PITPNC1: variants seen among roughly 807,000 people sequenced by gnomAD.
PITPNC1 encodes the protein cytoplasmic phosphatidylinositol transfer protein 1.
PITPNC1 carries 18 observed loss-of-function variants against 44.7 expected under a neutral mutation model. The ratio of observed to expected loss-of-function variants is 0.40; its 90% CI spans 0.28 to 0.60. The LOEUF (loss-of-function observed/expected upper bound fraction) is 0.60, where lower values mean the gene tolerates loss of function less well. Among genes scored for constraint, PITPNC1 ranks in the 20% least tolerant of loss-of-function variants. The pLI, the probability that PITPNC1 is intolerant of heterozygous loss-of-function variation, is 0.39. For missense variants in PITPNC1, 290 were observed against 418.4 expected (o/e 0.69, Z 2.68); for synonymous variants, 141 against 149.6 (o/e 0.94, Z 0.42).
At chr17:67,549,011 A>C (rs1394340131) in intron 2 of PITPNC1, among the ~76,000 whole-genome samples, 1 of 152,230 alleles carries the variant, frequency 6.6e-6, no homozygotes, top group African/African-American at 2.4e-5. Flanking sequence ...AATGATTGGA[A>C]TAATGATGTG....
At position 67,635,459 on chromosome 17, in the gene PITPNC1, G is replaced by A. The variant is rs1249236270; in HGVS notation, c.462+3221G>A. ...GGTGAGAAGAGAGGTATACGTTGGA[G>A]AAAGATGAGTGGATTTTGTGATGTC... On this transcript the variant is annotated intron_variant, in intron 6 of 8. Transcript: ENST00000581322. Among the ~76,000 whole-genome samples the A allele has an allele frequency of 5.3e-5, 8 of 152,274 alleles. 1 individual carries two copies. The highest frequency in any genetic ancestry group is 1.5e-5 in the Non-Finnish European group (1 of 68,038).
chr17:67,675,246 T>A (rs1167863755), intron 7 of PITPNC1, among the ~76,000 whole-genome samples: 3 of 139,612 alleles, frequency 2.1e-5, no homozygotes, highest in Non-Finnish European at 3.3e-5. Context: ...CCAGCCCTAC[T>A]CTCAAATAAG....
At chr17:67,434,571 G>A (rs2038904515) in intron 1 of PITPNC1, among the ~76,000 whole-genome samples, 1 of 152,166 alleles carries the variant, frequency 6.6e-6, no homozygotes, top group African/African-American at 2.4e-5. Context: ...AGCACTTTGG[G>A]AGGCCGAGGC....
intron 1 of PITPNC1, among the ~76,000 whole-genome samples, chr17:67,438,827 G>C (rs1388267177): frequency 6.6e-6 from 1 of 152,192 alleles, no homozygotes; most frequent in Non-Finnish European, 1.5e-5. Context: ...ACTATTCTGA[G>C]TTGAAAGTGC....
rs116561982 is a variant in PITPNC1 at position 67,562,009 on chromosome 17, C to T, written c.294+8392C>T. ...TATCAGTATTCATGAGCATCCTCTGCTTATTTCTGCCTTGACAAGTCCAGC... is the reference window on the plus strand; with the variant it reads ...TATCAGTATTCATGAGCATCCTCTGTTTATTTCTGCCTTGACAAGTCCAGC... On this transcript the variant is annotated intron_variant, in intron 4 of 8. Transcript: ENST00000581322. Among the ~76,000 whole-genome samples, 267 of 152,322 alleles carry T rather than the reference C, an allele frequency of 1.8e-3. 2 individuals carry two copies. The highest frequency in any genetic ancestry group is 6.3e-3 in the African/African-American group (261 of 41,554).
chr17:67,643,941 C>T (rs867995735), intron 6 of PITPNC1, among the ~76,000 whole-genome samples: 3 of 152,150 alleles, frequency 2.0e-5, no homozygotes, highest in African/African-American at 7.2e-5. Flanking sequence ...GTTTGCGTGT[C>T]GCTTTTCCCT....
intron 1 of PITPNC1, among the ~76,000 whole-genome samples, chr17:67,519,171 G>GTTTTTTTTTTTTTTTTTTTTTTTTTTT (rs563294178): frequency 1.3e-5 from 1 of 78,752 alleles, no homozygotes; most frequent in Non-Finnish European, 2.3e-5. Context: ...GCAGCATTCT[G>GTTTTTTTTTTTTTTTTTTTTTTTTTTT]TTTTTTTTTT....
At chr17:67,634,658 T>C (rs1350861430) in intron 6 of PITPNC1, among the ~76,000 whole-genome samples, 4 of 152,012 alleles carry the variant, frequency 2.6e-5, no homozygotes, top group Non-Finnish European at 4.4e-5. Flanking sequence ...CAGATACATA[T>C]GGAGTTCAGA....
chr17:67,403,855 C>G (rs919687851), intron 1 of PITPNC1, among the ~76,000 whole-genome samples: 8 of 152,240 alleles, frequency 5.3e-5, no homozygotes, highest in Middle Eastern at 3.4e-3. Flanking sequence ...AACCCTGTCT[C>G]CACTAAAAAT....
intron 5 of PITPNC1, among the ~76,000 whole-genome samples, chr17:67,594,607 C>T (rs2144262280): frequency 6.6e-6 from 1 of 152,292 alleles, no homozygotes; most frequent in Non-Finnish European, 1.5e-5. Flanking sequence ...CACAGTCCTT[C>T]CTTGGGTTTT....
intron 6 of PITPNC1, among the ~76,000 whole-genome samples, chr17:67,643,685 G>C (rs543998124): frequency 6.6e-5 from 10 of 152,208 alleles, no homozygotes; most frequent in Non-Finnish European, 1.2e-4. Flanking sequence ...CTGTGTCTGA[G>C]TCCCTCCCTC....
intron 5 of PITPNC1, among the ~76,000 whole-genome samples, chr17:67,608,125 T>C (rs1478796119): frequency 6.6e-6 from 1 of 152,014 alleles, no homozygotes; most frequent in Non-Finnish European, 1.5e-5. Context: ...AAGCTTAACA[T>C]TGATACAATA....
chr17:67,688,367 T>C (rs1299726284), intron 8 of PITPNC1, among the ~76,000 whole-genome samples: 2 of 96,422 alleles, frequency 2.1e-5, no homozygotes, highest in Non-Finnish European at 2.2e-5. Flanking sequence ...GCTGTAGTTC[T>C]AGGAAATTTA....
chr17:67,486,543 C>G (rs2039780783), intron 1 of PITPNC1, among the ~76,000 whole-genome samples: 1 of 152,100 alleles, frequency 6.6e-6, no homozygotes. Flanking sequence ...TCCATGGTTC[C>G]AGAATTCCAA....
chr17:67,647,464 GTTTTTTTTTTTTTTTTTT>G (rs60407940), intron 6 of PITPNC1, among the ~76,000 whole-genome samples: 1 of 72,326 alleles, frequency 1.4e-5, no homozygotes, highest in Non-Finnish European at 2.7e-5. Context: ...CTAATTTTGG[GTTTTTTTTTTTTTTTTTT>G]TTTTTTTTTT....
chr17:67,429,799 AT>A (rs1471014796), intron 1 of PITPNC1, among the ~76,000 whole-genome samples: 1 of 152,188 alleles, frequency 6.6e-6, no homozygotes, highest in Non-Finnish European at 1.5e-5. Flanking sequence ...ATTTGAGAGA[AT>A]TTTCATGTCA....
At chr17:67,478,414 T>C (rs1480694131) in intron 1 of PITPNC1, among the ~76,000 whole-genome samples, 3 of 152,340 alleles carry the variant, frequency 2.0e-5, no homozygotes, top group East Asian at 1.9e-4. Context: ...CAGCAGTCCC[T>C]GTTCAACCTC....
chr17:67,654,657 G>A (rs752424690), intron 6 of PITPNC1, among the ~76,000 whole-genome samples: 48 of 152,186 alleles, frequency 3.2e-4, no homozygotes, highest in Admixed American at 4.6e-4. Flanking sequence ...TTTTGAGATG[G>A]AATCTCCCTC....
intron 5 of PITPNC1, among the ~76,000 whole-genome samples, chr17:67,600,105 C>G (rs1598871451): frequency 6.6e-6 from 1 of 152,112 alleles, no homozygotes; most frequent in African/African-American, 2.4e-5. Context: ...GCCTCCCCAC[C>G]CTCTTTTCAT....
Sources: gnomAD v4.1 joint callset for allele counts (sites outside exome capture counted in the v4.1 genomes callset) on GRCh38, gnomAD v4.1.1 for gene constraint, MANE v1.5 for transcripts, NCBI Gene and HGNC (gene_info 2026-07-23, HGNC 2026-07-21) for gene names.